The following LCMT1 variants were observed in gnomAD, a reference collection of about 807,000 sequenced individuals.
LCMT1 encodes leucine carboxyl methyltransferase 1, also known as [Phosphatase 2A protein]-leucine-carboxy methyltransferase 1.
In LCMT1, 32 loss-of-function variants were observed where a neutral mutation model predicts 47.7. That is an observed-to-expected ratio of 0.67 (90% CI 0.51 to 0.90). The LOEUF (loss-of-function observed/expected upper bound fraction) is 0.90, where lower values mean the gene tolerates loss of function less well. Ranked by LOEUF, LCMT1 falls within the 40% of genes least tolerant of loss-of-function variation. The pLI, the probability that LCMT1 is intolerant of heterozygous loss-of-function variation, is 0.00. For synonymous variants in LCMT1, 152 were observed against 149.7 expected, an observed-to-expected ratio of 1.02 and a Z score of -0.11; for missense variants, 375 against 415.2, an observed-to-expected ratio of 0.90 and a Z score of 0.84.
intron 7 of LCMT1, among the ~76,000 whole-genome samples, chr16:25,166,504 G>A (rs2141706342): frequency 6.6e-6 from 1 of 152,216 alleles, no homozygotes; most frequent in South Asian, 2.1e-4. Context: ...GGGCTCAGAT[G>A]ATCCTGCCAG....
intron 1 of LCMT1, among the ~76,000 whole-genome samples, chr16:25,122,768 G>T (rs1220350619): frequency 6.6e-6 from 1 of 152,032 alleles, no homozygotes; most frequent in Non-Finnish European, 1.5e-5. Context: ...GCTGATGCTT[G>T]TCTCTTGGTT....
At position 25,154,064 on chromosome 16, in the gene LCMT1, T is replaced by C. The variant is rs112552252; in HGVS notation, c.466+2449T>C. On this transcript the variant is annotated intron_variant, in intron 5 of 10. Transcript: ENST00000399069. ...TCCCTCTGTCACCCAGGCTGGAGTGTGGTGGCTCAATCTCTGCTCACTGCA... is the reference window on the plus strand; with the variant it reads ...TCCCTCTGTCACCCAGGCTGGAGTGCGGTGGCTCAATCTCTGCTCACTGCA... 8.8e-3 allele frequency among the ~76,000 whole-genome samples: 1,328 copies of C among 151,744 alleles called. 19 individuals are homozygous for C. The highest frequency in any genetic ancestry group is 0.031 in the African/African-American group (1,265 of 41,436).
chr16:25,163,474 A>G (rs973676411), intron 6 of LCMT1, among the ~76,000 whole-genome samples: 1 of 151,780 alleles, frequency 6.6e-6, no homozygotes, highest in Non-Finnish European at 1.5e-5. Flanking sequence ...TCTCAAAAAA[A>G]AAAAAAAAAA....
At chr16:25,114,530 C>G (rs1342202788) in intron 1 of LCMT1, among the ~76,000 whole-genome samples, 1 of 152,138 alleles carries the variant, frequency 6.6e-6, no homozygotes, top group Non-Finnish European at 1.5e-5. Context: ...CTTCTCTGCT[C>G]TCCTTATGAT....
intron 5 of LCMT1, among the ~76,000 whole-genome samples, chr16:25,153,525 A>G (rs1406647857): frequency 6.6e-6 from 1 of 152,200 alleles, no homozygotes; most frequent in Non-Finnish European, 1.5e-5. Context: ...ATTCATTGGG[A>G]CTGAATCACC....
chr16:25,151,765 A>G, intron 5 of LCMT1, 150 bp downstream of exon 5: 3 of 582,368 alleles, frequency 5.2e-6, no homozygotes, highest in Non-Finnish European at 5.8e-6. Flanking sequence ...GACGAGGTTC[A>G]TAAATTAGGA....
At chr16:25,130,914 G>A (rs1001939811) in intron 2 of LCMT1, among the ~76,000 whole-genome samples, 6 of 152,240 alleles carry the variant, frequency 3.9e-5, no homozygotes, top group Non-Finnish European at 8.8e-5. Context: ...CCAGACAGCA[G>A]AGTATGCAGG....
At chr16:25,164,896 CT>C (rs1247529513) in intron 7 of LCMT1, among the ~76,000 whole-genome samples, 178 bp downstream of exon 7, 2 of 152,314 alleles carry the variant, frequency 1.3e-5, no homozygotes, top group Middle Eastern at 3.4e-3. Context: ...CTCCTGCAGA[CT>C]TTTAGCCAGT....
At chr16:25,149,275 A>G (rs1005562796) in intron 4 of LCMT1, among the ~76,000 whole-genome samples, 3 of 152,140 alleles carry the variant, frequency 2.0e-5, no homozygotes, top group African/African-American at 7.2e-5. Context: ...AGCTATTGTT[A>G]GTGTATTTTG....
chr16:25,122,251 T>TA (rs1338438396), intron 1 of LCMT1, among the ~76,000 whole-genome samples: 1 of 152,210 alleles, frequency 6.6e-6, no homozygotes, highest in Non-Finnish European at 1.5e-5. Flanking sequence ...GCTGAGCACT[T>TA]AAAATCTGCT....
intron 6 of LCMT1, 94 bp from the exon 7 acceptor site, chr16:25,164,504 T>TG: frequency 6.7e-7 from 1 of 1,496,894 alleles, no homozygotes; most frequent in Non-Finnish European, 9.2e-7. Flanking sequence ...CCCTGGGGCA[T>TG]GGACCGCCCC....
intron 3 of LCMT1, among the ~76,000 whole-genome samples, chr16:25,138,470 G>A (rs1250773847): frequency 1.3e-5 from 2 of 152,042 alleles, no homozygotes; most frequent in East Asian, 3.9e-4. Context: ...GGTAGGGAGG[G>A]TGTAGCTACC....
At chr16:25,117,548 T>C (rs1175625919) in intron 1 of LCMT1, among the ~76,000 whole-genome samples, 1 of 152,066 alleles carries the variant, frequency 6.6e-6, no homozygotes, top group Non-Finnish European at 1.5e-5. Context: ...AATGGTGCCA[T>C]GGTTTATTCA....
intron 3 of LCMT1, among the ~76,000 whole-genome samples, chr16:25,136,373 G>A (rs1467206130): frequency 2.0e-5 from 3 of 151,948 alleles, no homozygotes; most frequent in African/African-American, 7.3e-5. Flanking sequence ...CAGGCTATTT[G>A]GAGTGAAATA....
At chr16:25,140,309 A>C in intron 4 of LCMT1, 62 bp downstream of exon 4, 1 of 1,237,858 alleles carries the variant, frequency 8.1e-7, no homozygotes, top group Non-Finnish European at 1.2e-6. Flanking sequence ...CTCTCAAGAG[A>C]TGGCAGATCT....
rs149557239 is a variant in LCMT1 at position 25,160,732 on chromosome 16, C to T, written c.467-370C>T. On this transcript the variant is annotated intron_variant, in intron 5 of 10. Transcript: ENST00000399069. ...AATGGAATGCTATGAAATCATTATA[C>T]AGAAGGATGTCCCTGATGCTGTTGT... is the stretch of plus-strand genomic sequence containing the variant. The T allele has an allele frequency of 3.8e-3, 2,001 of 521,702 alleles. 16 individuals carry two copies. The highest frequency in any genetic ancestry group is 6.2e-3 in the Non-Finnish European group (1,623 of 262,182). The allele number at this position is 521,702 out of a possible 1,614,324, so 32.3% of individuals were successfully genotyped here.
chr16:25,156,903 CA>C (rs1961273544), intron 5 of LCMT1, among the ~76,000 whole-genome samples: 1 of 149,890 alleles, frequency 6.7e-6, no homozygotes, highest in East Asian at 2.0e-4. Context: ...ATCCTCTGTA[CA>C]GTCCGGAAAT....
chr16:25,177,882 G>A, intron 10 of LCMT1, 119 bp from the exon 11 acceptor site: 1 of 815,346 alleles, frequency 1.2e-6, no homozygotes. Flanking sequence ...CAGGAGGGCG[G>A]TGCTACAGTG....
intron 1 of LCMT1, among the ~76,000 whole-genome samples, chr16:25,124,088 AAAAG>A (rs1417311298): frequency 1.3e-5 from 2 of 152,218 alleles, no homozygotes; most frequent in African/African-American, 4.8e-5. Flanking sequence ...GGGAAGAAGA[AAAAG>A]AAAGAATCCT....
Sources: gnomAD v4.1 joint callset for allele counts (sites outside exome capture counted in the v4.1 genomes callset) on GRCh38, gnomAD v4.1.1 for gene constraint, MANE v1.5 for transcripts, NCBI Gene and HGNC (gene_info 2026-07-23, HGNC 2026-07-21) for gene names.